LRRC34: variants seen among roughly 807,000 people sequenced by gnomAD.
LRRC34 encodes the protein leucine-rich repeat-containing protein 34.
LRRC34 carries 44 observed loss-of-function variants against 48.5 expected under a neutral mutation model. The ratio of observed to expected loss-of-function variants is 0.91; its 90% CI spans 0.71 to 1.17. The LOEUF (loss-of-function observed/expected upper bound fraction) is 1.17. Among genes scored for constraint, LRRC34 ranks in the 50% most tolerant of loss-of-function variants. The pLI is 0.00. For synonymous variants in LRRC34, 192 were observed against 197.6 expected, an observed-to-expected ratio of 0.97 and a Z score of 0.24; for missense variants, 502 against 563.0, an observed-to-expected ratio of 0.89 and a Z score of 1.10.
chr3:169,795,486 A>G lies in LRRC34; in HGVS notation c.1190T>C (p.Ile397Thr). 1 of 1,601,796 alleles carries G rather than the reference A, an allele frequency of 6.2e-7. No individual in the cohort carries two copies. ...WGNKFDEATC[I>T]AYSDLIQMGC... ...TGAAGGAAAAAACTTAAAACTTACT[A>G]TACACGTAGCCTCATCAAATTTGTT... is the stretch of plus-strand genomic sequence containing the variant. The change falls in exon 10 of 11, where the codon ATA (isoleucine) becomes ACA (threonine). Residue 397 changes from isoleucine to threonine, a missense_variant and splice_region_variant. Ile to Thr is a moderately conservative substitution (Grantham distance 89, BLOSUM62 -1). Transcript: ENST00000446859.
chr3:169,796,580 A>C, intron 8 of LRRC34, 165 bp downstream of exon 8: 1 of 896,606 alleles, frequency 1.1e-6, no homozygotes, highest in Non-Finnish European at 1.6e-6. Flanking sequence ...TTACTAAAAG[A>C]TAGCAGTATT....
rs151027788 is a variant in LRRC34, at chr3:169,807,720, A to G, written c.258-11T>C. The G allele has an allele frequency of 7.4e-7, 1 of 1,345,540 alleles. No homozygotes were observed. The highest frequency in any genetic ancestry group is 9.8e-7 in the Non-Finnish European group (1 of 1,015,408). 83.4% of individuals were successfully genotyped at this position (1,345,540 alleles called of 1,614,324 possible). ...ATTCCTGCTGCTAGCCTGTTAAAAT[A>G]CAAAAAAAAAAAAAAAAAAAAAAGA... On this transcript the variant is annotated splice_polypyrimidine_tract_variant and intron_variant, in intron 2 of 10. Coordinates refer to ENST00000446859, the MANE Select transcript of LRRC34 (RefSeq NM_001172779.2).
chr3:169,801,544 T>C (rs572428698), intron 6 of LRRC34, among the ~76,000 whole-genome samples: 2 of 152,256 alleles, frequency 1.3e-5, no homozygotes, highest in South Asian at 4.1e-4. Context: ...TTTCCAGATT[T>C]CCATGATTTG....
chr3:169,797,104 A>G (rs973293160), intron 7 of LRRC34: 1 of 348,240 alleles, frequency 2.9e-6, no homozygotes, highest in African/African-American at 2.1e-5. Context: ...AAGGTAAAAT[A>G]TAGTCACTAT....
intron 2 of LRRC34, 49 bp from the exon 3 acceptor site, chr3:169,807,758 A>G: frequency 6.7e-7 from 1 of 1,487,436 alleles, no homozygotes; most frequent in Non-Finnish European, 8.9e-7. Flanking sequence ...TTGAAATAGA[A>G]ACCCAGTAAA....
chr3:169,796,157 T>A, intron 9 of LRRC34, 57 bp downstream of exon 9: 12 of 1,537,306 alleles, frequency 7.8e-6, no homozygotes, highest in African/African-American at 1.4e-5. Context: ...GGGATTGAGG[T>A]TAGTATTTAA....
rs968919569 is a variant in LRRC34, at chr3:169,793,180, A to G, written c.*455T>C. On this transcript the variant is annotated 3_prime_UTR_variant, in exon 11 of 11. Transcript: ENST00000446859. The stretch of plus-strand genomic sequence containing the variant: ...ATTTGCCTGTATTTATGAAATTGTT[A>G]GTAACACCTGTCTGTAACACGTAAA... Among the ~76,000 whole-genome samples, 6 of 152,196 alleles carry G rather than the reference A, an allele frequency of 3.9e-5. No individual in the cohort carries two copies. The highest frequency in any genetic ancestry group is 2.1e-4 in the South Asian group (1 of 4,832).
intron 7 of LRRC34, among the ~76,000 whole-genome samples, chr3:169,799,816 G>A (rs1322629089): frequency 3.3e-5 from 5 of 152,116 alleles, no homozygotes; most frequent in African/African-American, 1.2e-4. Context: ...GGGTTCAAGC[G>A]ATTCTCCTGC....
In LRRC34 at chr3:169,796,355, T is replaced by C. The variant is rs774644483; in HGVS notation, c.923A>G (p.His308Arg). 7.5e-6 allele frequency: 12 copies of C among 1,600,788 alleles called. No individual in the cohort carries two copies. The East Asian group carries it at 2.7e-4, about 36-fold the overall frequency. Reference sequence around the variant, plus strand: ...ATCAGCCAAATACACCATTCCATCATGAGTTATTTTGTTGCTGGCAAAGGA... The same window carrying C: ...ATCAGCCAAATACACCATTCCATCACGAGTTATTTTGTTGCTGGCAAAGGA... ...YLDVSCNKIT[H>R]DGMVYLADVL... is the part of the protein sequence containing the mutation. The change falls in exon 9 of 11, where the codon CAT (histidine) becomes CGT (arginine). Residue 308 changes from histidine to arginine, a missense_variant. Physicochemically the swap from His to Arg is conservative, Grantham distance 29. Transcript: ENST00000446859.
intron 5 of LRRC34, among the ~76,000 whole-genome samples, chr3:169,805,348 G>A (rs1215288855): frequency 6.6e-6 from 1 of 152,072 alleles, no homozygotes. Flanking sequence ...ATTTCCATAT[G>A]CTAACAATGA....
chr3:169,793,909 T>A, intron 10 of LRRC34, 71 bp from the exon 11 acceptor site: 2 of 1,021,512 alleles, frequency 2.0e-6, no homozygotes, highest in Non-Finnish European at 2.8e-6. Context: ...TACGGAAATT[T>A]AAATATTCAA....
intron 6 of LRRC34, among the ~76,000 whole-genome samples, chr3:169,803,004 G>C (rs1287742814): frequency 1.3e-5 from 2 of 151,592 alleles, no homozygotes; most frequent in Non-Finnish European, 2.9e-5. Flanking sequence ...TAATCCTTCA[G>C]AATCTATTAT....
In LRRC34 at chr3:169,812,484, C is replaced by CG. The variant is rs1779628210; in HGVS notation, c.64dup (p.Arg22ProfsTer38). On this transcript the variant is annotated frameshift_variant, in exon 1 of 11. Transcript: ENST00000446859. LOFTEE classifies it high-confidence loss of function. The surrounding 1 kb of genome is among the most constrained non-coding windows in gnomAD (Gnocchi z 4.3). ...CCAAGCCGGGGACCTGGCCGGCGCA[C>CG]GGGCGGCCTCCCGGGAGCTCCCCAT... 6.5e-7 allele frequency: 1 copy of CG among 1,528,218 alleles called. No individual in the cohort carries two copies. The highest frequency in any genetic ancestry group is 8.7e-7 in the Non-Finnish European group (1 of 1,143,822). 94.7% of individuals were successfully genotyped at this position (1,528,218 alleles called of 1,614,324 possible).
chr3:169,812,683 T>TAGGCGGTC lies in LRRC34; in HGVS notation c.-136_-135insGACCGCCT. On this transcript the variant is annotated 5_prime_UTR_variant, in exon 1 of 11. Transcript: ENST00000446859. This position sits in a 1 kb window ranked among gnomAD's most constrained non-coding sequence, Gnocchi z 4.3. ...CCTCACTGCTAAGGCAGTGACCGCC[T>TAGGCGGTC]ACTCTGTGGAGGTCCTTTGTCACCC... 1.6e-6 allele frequency: 2 copies of TAGGCGGTC among 1,249,722 alleles called. No homozygotes were observed. The highest frequency in any genetic ancestry group is 2.1e-6 in the Non-Finnish European group (2 of 956,420). The allele number at this position is 1,249,722 out of a possible 1,614,324, so 77.4% of individuals were successfully genotyped here.
In LRRC34 at chr3:169,807,721, CAAAAAAAA is replaced by C. The variant is rs377198673; in HGVS notation, c.258-20_258-13del. 27 of 883,668 alleles carry C rather than the reference CAAAAAAAA, an allele frequency of 3.1e-5. No homozygotes were observed. The highest frequency in any genetic ancestry group is 2.0e-4 in the African/African-American group (7 of 35,052). The allele number at this position is 883,668 out of a possible 1,614,324, so 54.7% of individuals were successfully genotyped here. The stretch of plus-strand genomic sequence containing the variant: ...TTCCTGCTGCTAGCCTGTTAAAATA[CAAAAAAAA>C]AAAAAAAAAAAAAAGATTTTGAAAT... On this transcript the variant is annotated splice_polypyrimidine_tract_variant and intron_variant, in intron 2 of 10. Coordinates refer to ENST00000446859, the MANE Select transcript of LRRC34 (RefSeq NM_001172779.2).
At chr3:169,797,127 C>T (rs573827627) in intron 7 of LRRC34, 2 of 299,690 alleles carry the variant, frequency 6.7e-6, no homozygotes, top group East Asian at 1.1e-4. Flanking sequence ...TTTACAAGTG[C>T]CTGCTACCTA....
chr3:169,801,587 C>A (rs981204723), intron 6 of LRRC34, among the ~76,000 whole-genome samples: 1 of 152,142 alleles, frequency 6.6e-6, no homozygotes, highest in East Asian at 1.9e-4. Flanking sequence ...TAATACAACC[C>A]CCACTTCTTC....
chr3:169,797,492 A>G, intron 7 of LRRC34, among the ~76,000 whole-genome samples: 1 of 152,144 alleles, frequency 6.6e-6, no homozygotes, highest in South Asian at 2.1e-4. Flanking sequence ...CAATCTAGCT[A>G]CTTCTAGGTA....
chr3:169,796,878 C>T lies in LRRC34; in HGVS notation c.775G>A (p.Gly259Ser). 2 of 1,601,386 alleles carry T rather than the reference C, an allele frequency of 1.2e-6. No individual in the cohort carries two copies. The highest frequency in any genetic ancestry group is 1.7e-4 in the Middle Eastern group (1 of 6,038). Residue 259 changes from glycine to serine, a missense_variant, in exon 8 of 11, where the codon GGC (glycine) becomes AGC (serine). Coordinates refer to ENST00000446859, the MANE Select transcript of LRRC34 (RefSeq NM_001172779.2). Reference sequence around the variant, plus strand: ...CAGTGATTTTCTTTCAACATGCGGCCTACATGGACTGTAGACTCTTCCTAA... The same window carrying T: ...CAGTGATTTTCTTTCAACATGCGGCTTACATGGACTGTAGACTCTTCCTAA... ...SEQEESTVHV[G>S]RMLKENHCLV...
Sources: gnomAD v4.1 joint callset for allele counts (sites outside exome capture counted in the v4.1 genomes callset) on GRCh38, gnomAD v4.1.1 for gene constraint, Gnocchi (gnomAD v3.1) non-coding constraint, MANE v1.5 for transcripts, NCBI Gene and HGNC (gene_info 2026-07-23, HGNC 2026-07-21) for gene names.